The following RNF125 variants were observed in gnomAD, a reference collection of about 807,000 sequenced individuals.
The protein encoded by RNF125 is ring finger protein 125.
A neutral mutation model predicts 26.0 loss-of-function variants in RNF125; 21 were observed. The ratio of observed to expected loss-of-function variants is 0.81; its 90% CI spans 0.57 to 1.16. RNF125 has a LOEUF of 1.16. Ranked by LOEUF, RNF125 falls within the 50% of genes most tolerant of loss-of-function variation. The probability of loss-of-function intolerance (pLI) is 0.00; values close to 1 mark genes in which losing one functional copy is unlikely to be tolerated. For missense variants in RNF125, 270 were observed against 299.4 expected (o/e 0.90, Z 0.72); for synonymous variants, 95 against 109.2 (o/e 0.87, Z 0.81).
intron 4 of RNF125, among the ~76,000 whole-genome samples, chr18:32,052,305 C>T (rs2039336643): frequency 6.6e-6 from 1 of 151,560 alleles, no homozygotes; most frequent in Non-Finnish European, 1.5e-5. Context: ...CCAGCCTGGC[C>T]AATATGGTGA....
intron 1 of RNF125, among the ~76,000 whole-genome samples, chr18:32,030,469 G>A (rs886657879): frequency 6.6e-6 from 1 of 152,190 alleles, no homozygotes. Context: ...TCAAATTGGT[G>A]GTTTCCTAAG....
the RNF125 span, among the ~76,000 whole-genome samples, chr18:32,081,442 G>A: frequency 6.6e-6 from 1 of 152,238 alleles, no homozygotes; most frequent in South Asian, 2.1e-4. Context: ...ACTCTCTGTT[G>A]CTATTTTTTT....
the RNF125 span, among the ~76,000 whole-genome samples, chr18:32,078,720 T>A: frequency 1.3e-5 from 2 of 152,218 alleles, no homozygotes; most frequent in African/African-American, 4.8e-5. Context: ...ATCTTTAAAT[T>A]ACTATATTTA....
intron 1 of RNF125, among the ~76,000 whole-genome samples, chr18:32,027,625 T>G (rs1431844978): frequency 2.6e-5 from 4 of 152,174 alleles, no homozygotes; most frequent in African/African-American, 9.7e-5. Flanking sequence ...GAGTTTACCT[T>G]TCTTTGCTGG....
intron 4 of RNF125, among the ~76,000 whole-genome samples, chr18:32,056,558 T>C (rs1284376375): frequency 6.7e-6 from 1 of 149,808 alleles, no homozygotes; most frequent in African/African-American, 2.5e-5. Context: ...AGAGATTGCG[T>C]TGCAGTGAGC....
At chr18:32,029,064 A>G (rs549557243) in intron 1 of RNF125, among the ~76,000 whole-genome samples, 1 of 152,332 alleles carries the variant, frequency 6.6e-6, no homozygotes, top group African/African-American at 2.4e-5. Context: ...CTTTTGGAAG[A>G]ACACTGTGCC....
At chr18:32,086,132 G>A in the RNF125 span, among the ~76,000 whole-genome samples, 145 of 151,748 alleles carry the variant, frequency 9.6e-4, 1 homozygote, top group African/African-American at 3.2e-3. Flanking sequence ...TTCTTTTCAC[G>A]GCTGGCTCTT....
At position 32,018,827 on chromosome 18, in the gene RNF125, T is replaced by G; in HGVS notation, c.-37T>G. 6.6e-7 allele frequency: 1 copy of G among 1,515,136 alleles called. No homozygotes were observed. The highest frequency in any genetic ancestry group is 8.8e-7 in the Non-Finnish European group (1 of 1,132,048). The allele number at this position is 1,515,136 out of a possible 1,614,324, so 93.9% of individuals were successfully genotyped here. On this transcript the variant is annotated 5_prime_UTR_variant, in exon 1 of 6. Transcript: ENST00000217740. ...AACAAAACAACCCTGCGGCAGGCAC[T>G]GAGTGCTTCGCAGCTGTCTGGGCGA...
At chr18:32,063,352 A>G (rs1000844430) in intron 4 of RNF125, among the ~76,000 whole-genome samples, 1 of 152,162 alleles carries the variant, frequency 6.6e-6, no homozygotes, top group Non-Finnish European at 1.5e-5. Context: ...TAGAAGTGCA[A>G]ATTAAAACCA....
At chr18:32,068,166 G>T (rs1313732324) in intron 5 of RNF125, 132 bp from the exon 6 acceptor site, 17 of 534,910 alleles carry the variant, frequency 3.2e-5, no homozygotes, top group Non-Finnish European at 3.3e-6. Context: ...TCTATGACAG[G>T]CTTTGTGGAA....
chr18:32,078,639 C>CT, the RNF125 span, among the ~76,000 whole-genome samples: 1 of 149,992 alleles, frequency 6.7e-6, no homozygotes, highest in Non-Finnish European at 1.5e-5. Context: ...GACCAAATCT[C>CT]TAAAAAAAAA....
intron 4 of RNF125, among the ~76,000 whole-genome samples, chr18:32,050,426 C>G (rs1412856131): frequency 6.6e-6 from 1 of 152,158 alleles, no homozygotes; most frequent in Non-Finnish European, 1.5e-5. Flanking sequence ...CTCAAGTGAT[C>G]CTTACCTCAG....
At chr18:32,045,814 T>A (rs2039264892) in intron 4 of RNF125, 82 bp downstream of exon 4, 1 of 820,600 alleles carries the variant, frequency 1.2e-6, no homozygotes, top group Non-Finnish European at 2.0e-6. Flanking sequence ...TTTATATTTA[T>A]AGATACCTTA....
At chr18:32,084,338 G>C in the RNF125 span, among the ~76,000 whole-genome samples, 13 of 152,130 alleles carry the variant, frequency 8.5e-5, no homozygotes, top group South Asian at 2.1e-4. Context: ...CTGTGGGATA[G>C]AGCAAGACTA....
chr18:32,046,236 A>AAG (rs1555692988), intron 4 of RNF125, among the ~76,000 whole-genome samples: 6,500 of 114,422 alleles, frequency 0.057, 357 homozygotes, highest in South Asian at 0.082. Flanking sequence ...AAAAAAAAAA[A>AAG]AGAGAAAGAG....
rs1002993479 is a variant in RNF125 at position 32,071,987 on chromosome 18, C to G, written c.*3603C>G. ...TCTCATGAGCCCAGGAGTTCAAGAC[C>G]AACCTGGGCAATATAGTGAGACTCT... On this transcript the variant is annotated 3_prime_UTR_variant, in exon 6 of 6. Transcript: ENST00000217740. The G allele has an allele frequency of 9.2e-5, 14 of 152,106 alleles. No homozygotes were observed. The highest frequency in any genetic ancestry group is 1.3e-4 in the Admixed American group (2 of 15,250). The allele number at this position is 152,106 out of a possible 1,614,324, so 9.4% of individuals were successfully genotyped here. A position where few individuals can be genotyped will look rare whatever the true frequency, so the allele number is the denominator to read the frequency against.
intron 4 of RNF125, among the ~76,000 whole-genome samples, chr18:32,056,464 A>G (rs2039384089): frequency 6.6e-6 from 1 of 151,954 alleles, no homozygotes; most frequent in African/African-American, 2.4e-5. Context: ...TAAAAATACA[A>G]AATTAGCTGG....
At chr18:32,048,383 G>A (rs879716585) in intron 4 of RNF125, among the ~76,000 whole-genome samples, 13 of 151,132 alleles carry the variant, frequency 8.6e-5, no homozygotes, top group Admixed American at 5.3e-4. Flanking sequence ...CTGAGATCAC[G>A]CCATTGCACT....
chr18:32,033,091 A>G (rs1398703269), intron 1 of RNF125, among the ~76,000 whole-genome samples: 6 of 152,202 alleles, frequency 3.9e-5, no homozygotes, highest in African/African-American at 1.4e-4. Flanking sequence ...GCATCACTGG[A>G]AAGTCCAGAT....
Sources: gnomAD v4.1 joint callset for allele counts (sites outside exome capture counted in the v4.1 genomes callset) on GRCh38, gnomAD v4.1.1 for gene constraint, MANE v1.5 for transcripts, NCBI Gene and HGNC (gene_info 2026-07-23, HGNC 2026-07-21) for gene names.